Variants in CCDC102B observed in about 807,000 individuals in gnomAD.
The protein encoded by CCDC102B is coiled-coil domain-containing protein 102B.
CCDC102B carries 75 observed loss-of-function variants against 57.4 expected under a neutral mutation model. The observed-to-expected ratio is 1.31, with a 90% CI of 1.08 to 1.58. The LOEUF is 1.58. CCDC102B is among the 40% of genes most tolerant of loss of function. CCDC102B has a pLI of 0.00. For missense variants in CCDC102B, 636 were observed against 582.6 expected, an observed-to-expected ratio of 1.09 and a Z score of -0.94; for synonymous variants, 206 against 201.9, an observed-to-expected ratio of 1.02 and a Z score of -0.17.
intron 1 of CCDC102B, among the ~76,000 whole-genome samples, chr18:68,815,962 G>C (rs565973994): frequency 6.6e-6 from 1 of 152,092 alleles, no homozygotes; most frequent in Non-Finnish European, 1.5e-5. Context: ...TTGGAAAAAG[G>C]ATTTTTCACA....
At chr18:68,923,008 A>C (rs1371269941) in intron 6 of CCDC102B, among the ~76,000 whole-genome samples, 1 of 152,110 alleles carries the variant, frequency 6.6e-6, no homozygotes, top group South Asian at 2.1e-4. Flanking sequence ...GATGGCTTGC[A>C]ATAAAAAAAA....
At chr18:68,945,058 CTCTG>C (rs1412634762) in intron 6 of CCDC102B, among the ~76,000 whole-genome samples, 1 of 148,920 alleles carries the variant, frequency 6.7e-6, no homozygotes, top group Non-Finnish European at 1.5e-5. Context: ...CTTGGTGTGT[CTCTG>C]TCTGTGTGTG....
chr18:68,983,623 A>G (rs973337458), intron 6 of CCDC102B, among the ~76,000 whole-genome samples: 1 of 151,994 alleles, frequency 6.6e-6, no homozygotes, highest in African/African-American at 2.4e-5. Context: ...ATTTGAACTG[A>G]AAAGTTTGAA....
intron 1 of CCDC102B, among the ~76,000 whole-genome samples, chr18:68,813,552 A>C (rs913386519): frequency 2.0e-5 from 3 of 151,904 alleles, no homozygotes; most frequent in Non-Finnish European, 2.9e-5. Context: ...ACATTTTTAT[A>C]GGACTTTGGA....
In CCDC102B at chr18:68,836,748, G is replaced by A. The variant is rs751338968; in HGVS notation, c.-15-1G>A. 19 of 1,602,138 alleles carry A rather than the reference G, an allele frequency of 1.2e-5. No homozygotes were observed. Among genetic ancestry groups the A allele is most frequent in the Non-Finnish European group, 1.6e-5 (19 of 1,175,922 alleles). The stretch of plus-strand genomic sequence containing the variant: ...AAATTATGGTCTCTATCTTTTCTCA[G>A]GTCTTAAAAATAAATATGAATTTAG... On this transcript the variant is annotated splice_acceptor_variant, in intron 1 of 7. Coordinates refer to ENST00000360242, the MANE Select transcript of CCDC102B (RefSeq NM_024781.3). LOFTEE classifies it low-confidence loss of function (5UTR_SPLICE).
At chr18:68,996,962 G>C (rs1360674154) in intron 6 of CCDC102B, among the ~76,000 whole-genome samples, 1 of 152,168 alleles carries the variant, frequency 6.6e-6, no homozygotes, top group Non-Finnish European at 1.5e-5. Flanking sequence ...AAACCAGATG[G>C]AGCTAATTGA....
intron 2 of CCDC102B, among the ~76,000 whole-genome samples, chr18:68,741,667 T>TCACACACACACACACACA (rs60407642): frequency 7.1e-6 from 1 of 140,288 alleles, no homozygotes. Context: ...TGAAGACTGG[T>TCACACACACACACACACA]CACACACACA....
At chr18:68,958,925 G>A (rs1599755195) in intron 6 of CCDC102B, among the ~76,000 whole-genome samples, 1 of 151,928 alleles carries the variant, frequency 6.6e-6, no homozygotes, top group Non-Finnish European at 1.5e-5. Context: ...TTTTATTTTT[G>A]TTGAGATTTG....
Position 69,038,345 on chromosome 18 carries a change from C to A in CCDC102B, c.1435-15685C>A, listed in dbSNP as rs531791426. ...ATGATCATAATGGAGTACATTTGTG[C>A]AAAATGTTTTGTGTGTTTCTGATAT... is the stretch of plus-strand genomic sequence containing the variant. On this transcript the variant is annotated intron_variant, in intron 7 of 7. Transcript: ENST00000360242. Among the ~76,000 whole-genome samples the A allele has an allele frequency of 8.9e-5, 4 of 44,862 alleles. No homozygotes were observed. In the South Asian group the frequency reaches 3.7e-3, roughly 41 times the overall value. 29.4% of individuals were successfully genotyped at this position (44,862 alleles called of 152,430 possible). A position where few individuals can be genotyped will look rare whatever the true frequency, so the allele number is the denominator to read the frequency against.
At chr18:68,816,459 CTTTTTTTTTTTT>C (rs869077830) in intron 1 of CCDC102B, among the ~76,000 whole-genome samples, 1 of 100,588 alleles carries the variant, frequency 9.9e-6, no homozygotes, top group Non-Finnish European at 1.8e-5. Context: ...TATTTCCTTT[CTTTTTTTTTTTT>C]TTTTTTTTTT....
chr18:68,894,297 A>C (rs1282719898), intron 5 of CCDC102B, among the ~76,000 whole-genome samples: 1 of 152,072 alleles, frequency 6.6e-6, no homozygotes, highest in African/African-American at 2.4e-5. Flanking sequence ...TAAGTGAACA[A>C]ATATTTTAGT....
At chr18:68,930,981 ATACTC>A (rs1302966866) in intron 6 of CCDC102B, among the ~76,000 whole-genome samples, 12 of 151,902 alleles carry the variant, frequency 7.9e-5, no homozygotes, top group Admixed American at 4.6e-4. Context: ...CTGCTAGAGA[ATACTC>A]TATTGTGATT....
intron 7 of CCDC102B, among the ~76,000 whole-genome samples, chr18:69,047,625 T>C (rs778586574): frequency 6.6e-6 from 1 of 152,164 alleles, no homozygotes; most frequent in Admixed American, 6.6e-5. Flanking sequence ...GACGTGATTC[T>C]ATATCTAAAA....
intron 6 of CCDC102B, among the ~76,000 whole-genome samples, chr18:68,931,382 G>A (rs554631703): frequency 1.3e-5 from 2 of 151,858 alleles, no homozygotes; most frequent in African/African-American, 2.4e-5. Context: ...TTTTTAGTAC[G>A]TTCATATAGC....
intron 6 of CCDC102B, among the ~76,000 whole-genome samples, chr18:68,946,041 G>A (rs1373862435): frequency 6.6e-6 from 1 of 151,666 alleles, no homozygotes; most frequent in East Asian, 1.9e-4. Context: ...AGTATCTTTT[G>A]CTGGAAAGTA....
At chr18:68,872,619 T>G (rs1230961516) in intron 4 of CCDC102B, among the ~76,000 whole-genome samples, 1 of 152,048 alleles carries the variant, frequency 6.6e-6, no homozygotes, top group Non-Finnish European at 1.5e-5. Flanking sequence ...ACCATTATTC[T>G]GATCAAAAAC....
chr18:68,760,494 T>G (rs981107383), intron 2 of CCDC102B, among the ~76,000 whole-genome samples: 2 of 152,080 alleles, frequency 1.3e-5, no homozygotes, highest in African/African-American at 4.8e-5. Flanking sequence ...AATAAACACT[T>G]TTGTTGTACC....
intron 2 of CCDC102B, among the ~76,000 whole-genome samples, chr18:68,738,986 G>A (rs1248229320): frequency 7.7e-6 from 1 of 130,636 alleles, no homozygotes; most frequent in African/African-American, 3.2e-5. Context: ...GACTGTAGAT[G>A]AGCAGCCTTT....
chr18:69,034,494 C>T lies in CCDC102B; in HGVS notation c.1435-19536C>T, dbSNP rs191106045. Among the ~76,000 whole-genome samples, 357 of 152,002 alleles carry T rather than the reference C, an allele frequency of 2.3e-3. 2 individuals are homozygous for T. The highest frequency in any genetic ancestry group is 7.7e-3 in the African/African-American group (321 of 41,508). On this transcript the variant is annotated intron_variant, in intron 7 of 7. Transcript: ENST00000360242. ...TTCCTAATTGAAATGTTTTGGCACT[C>T]ATGTCAAAAAGCAATTGACCATAAA... is the stretch of plus-strand genomic sequence containing the variant.
Sources: allele counts gnomAD v4.1 joint callset (sites outside exome capture counted in the v4.1 genomes callset), GRCh38; gene constraint gnomAD v4.1.1; transcripts MANE v1.5; gene names NCBI Gene and HGNC (gene_info 2026-07-23, HGNC 2026-07-21).